The following PTPRD variants were observed in gnomAD, a reference collection of about 807,000 sequenced individuals.
PTPRD encodes protein tyrosine phosphatase receptor type D.
A neutral mutation model predicts 214.5 loss-of-function variants in PTPRD; 34 were observed. The ratio of observed to expected loss-of-function variants is 0.16; its 90% CI spans 0.12 to 0.21. PTPRD has a LOEUF of 0.21. PTPRD is among the 10% of genes least tolerant of loss of function. The pLI, the probability that PTPRD is intolerant of heterozygous loss-of-function variation, is 1.00. For missense variants in PTPRD, 2,545 were observed against 2,398.7 expected, an observed-to-expected ratio of 1.06 and a Z score of -1.27; for synonymous variants, 1,128 against 845.7, an observed-to-expected ratio of 1.33 and a Z score of -5.79.
At chr9:9,919,280 A>ATC (rs369523489) in intron 5 of PTPRD, among the ~76,000 whole-genome samples, 17 of 152,214 alleles carry the variant, frequency 1.1e-4, no homozygotes, top group Admixed American at 2.0e-4. Context: ...ACCTCCAGTC[A>ATC]TCTCTCTGAG....
At chr9:10,096,406 T>C (rs2154207997) in intron 3 of PTPRD, among the ~76,000 whole-genome samples, 1 of 152,020 alleles carries the variant, frequency 6.6e-6, no homozygotes, top group Non-Finnish European at 1.5e-5. Context: ...ACCTGTTGTT[T>C]CCTGACTTTT....
At position 8,316,243 on chromosome 9, in the gene PTPRD, C is replaced by T. The variant is rs879786156; in HGVS notation, c.*1631G>A. 3 of 229,670 alleles carry T rather than the reference C, an allele frequency of 1.3e-5. No homozygotes were observed. Among genetic ancestry groups the T allele is most frequent in the Non-Finnish European group, 2.6e-5 (3 of 115,732 alleles). The allele number at this position is 229,670 out of a possible 1,614,324, so 14.2% of individuals were successfully genotyped here. On this transcript the variant is annotated 3_prime_UTR_variant, in exon 46 of 46. Coordinates refer to ENST00000381196, the MANE Select transcript of PTPRD (RefSeq NM_002839.4). ...AAAGAGTTTTTGTACATGTGGTAAA[C>T]AGATAATGCTTTAATAGAAAGTAAC...
chr9:10,067,108 G>T (rs2097901269), intron 3 of PTPRD, among the ~76,000 whole-genome samples: 1 of 151,858 alleles, frequency 6.6e-6, no homozygotes, highest in Non-Finnish European at 1.5e-5. Flanking sequence ...ACTAATGGAT[G>T]GTCCAGGATA....
chr9:9,527,492 T>A (rs903381322), intron 8 of PTPRD, among the ~76,000 whole-genome samples: 4 of 152,188 alleles, frequency 2.6e-5, no homozygotes, highest in African/African-American at 9.7e-5. Flanking sequence ...AAAATTGTAA[T>A]CAAAAATTTG....
intron 2 of PTPRD, among the ~76,000 whole-genome samples, chr9:10,606,803 C>A (rs957107943): frequency 6.6e-6 from 1 of 151,798 alleles, no homozygotes; most frequent in Non-Finnish European, 1.5e-5. Flanking sequence ...AAGGAGTCCC[C>A]TTTTTAACAC....
chr9:10,112,115 C>A (rs1403245052), intron 3 of PTPRD, among the ~76,000 whole-genome samples: 4 of 152,174 alleles, frequency 2.6e-5, no homozygotes, highest in African/African-American at 7.2e-5. Flanking sequence ...CAGATTTCCC[C>A]TTTTGCCCTA....
chr9:9,449,692 T>C (rs567387076), intron 8 of PTPRD, among the ~76,000 whole-genome samples: 1 of 152,168 alleles, frequency 6.6e-6, no homozygotes, highest in South Asian at 2.1e-4. Flanking sequence ...TTTTTGGATG[T>C]GTATTCAGAC....
At chr9:9,515,156 C>T (rs74609043) in intron 8 of PTPRD, among the ~76,000 whole-genome samples, 2 of 152,006 alleles carry the variant, frequency 1.3e-5, no homozygotes, top group East Asian at 1.9e-4. Context: ...TGTTATTGAC[C>T]GTGGTGGAGG....
At chr9:9,920,674 C>T (rs1006165149) in intron 5 of PTPRD, among the ~76,000 whole-genome samples, 3 of 152,086 alleles carry the variant, frequency 2.0e-5, no homozygotes, top group African/African-American at 7.2e-5. Context: ...GGGATTTCTT[C>T]CTCAGTTGAA....
intron 5 of PTPRD, among the ~76,000 whole-genome samples, chr9:9,839,958 A>T (rs1219529013): frequency 6.6e-6 from 1 of 152,180 alleles, no homozygotes; most frequent in Non-Finnish European, 1.5e-5. Context: ...TATAAATAGT[A>T]CTAAAAATAA....
rs2139476270 is a variant in PTPRD at position 8,528,718 on chromosome 9, C to T, written c.414G>A (p.Glu138=). ...AAAGCATGGTGGCCGTGCGAGTACG[C>T]TCAACCACCTTCAACTGTGGGCCCA... ...IDMGPQLKVV[E]RTRTATMLCA... Residue 138 remains glutamate, a synonymous_variant, in exon 15 of 46, where the codon GAG becomes GAA. Coordinates refer to ENST00000381196, the MANE Select transcript of PTPRD (RefSeq NM_002839.4). The T allele has an allele frequency of 4.3e-6, 7 of 1,613,624 alleles. No homozygotes were observed. The highest frequency in any genetic ancestry group is 5.1e-6 in the Non-Finnish European group (6 of 1,179,720).
At chr9:9,542,211 G>A (rs2077749500) in intron 8 of PTPRD, among the ~76,000 whole-genome samples, 1 of 151,676 alleles carries the variant, frequency 6.6e-6, no homozygotes, top group African/African-American at 2.4e-5. Flanking sequence ...GACAGTATAA[G>A]AACAATTAGA....
intron 11 of PTPRD, among the ~76,000 whole-genome samples, chr9:9,014,676 A>G (rs941603046): frequency 6.6e-6 from 1 of 152,164 alleles, no homozygotes; most frequent in Non-Finnish European, 1.5e-5. Flanking sequence ...ATGGGAGACA[A>G]TCTGAGGAAG....
intron 5 of PTPRD, among the ~76,000 whole-genome samples, chr9:9,925,152 A>G (rs915893223): frequency 2.6e-5 from 4 of 152,096 alleles, no homozygotes; most frequent in African/African-American, 9.7e-5. Context: ...AAATTATCAC[A>G]AATCTACAAT....
At position 10,031,647 on chromosome 9, in the gene PTPRD, T is replaced by TATATATATACACAC; in HGVS notation, c.-472+2070_-472+2071insGTGTGTATATATAT. On this transcript the variant is annotated intron_variant, in intron 4 of 45. Transcript: ENST00000381196. The stretch of plus-strand genomic sequence containing the variant: ...CTCCATATATATATATATATATATA[T>TATATATATACACAC]ACACACACACACACACACATACACA... Among the ~76,000 whole-genome samples the TATATATATACACAC allele has an allele frequency of 3.8e-4, 34 of 89,628 alleles. No individual in the cohort carries two copies. The Middle Eastern group carries it at 0.013, about 35-fold the overall frequency. 58.8% of individuals were successfully genotyped at this position (89,628 alleles called of 152,430 possible).
At chr9:10,261,679 C>A (rs1429484352) in intron 3 of PTPRD, among the ~76,000 whole-genome samples, 1 of 152,038 alleles carries the variant, frequency 6.6e-6, no homozygotes, top group Non-Finnish European at 1.5e-5. Context: ...AAATCCAAAT[C>A]AGTTAATCTA....
intron 11 of PTPRD, among the ~76,000 whole-genome samples, chr9:8,967,099 ATCTCACACTAG>A (rs1210068272): frequency 6.6e-6 from 1 of 151,984 alleles, no homozygotes; most frequent in African/African-American, 2.4e-5. Context: ...GTGAGATACT[ATCTCACACTAG>A]TCAGAATGAC....
intron 12 of PTPRD, among the ~76,000 whole-genome samples, chr9:8,697,347 C>T (rs2097938139): frequency 1.3e-5 from 2 of 149,856 alleles, no homozygotes; most frequent in African/African-American, 4.9e-5. Context: ...CATTCTTTTC[C>T]TGGTGGAATT....
intron 39 of PTPRD, among the ~76,000 whole-genome samples, chr9:8,369,229 C>T (rs1370951944): frequency 6.6e-6 from 1 of 152,082 alleles, no homozygotes; most frequent in African/African-American, 2.4e-5. Flanking sequence ...GCACTCTTAG[C>T]TTCTTTGGAT....
Sources: allele counts gnomAD v4.1 joint callset (sites outside exome capture counted in the v4.1 genomes callset), GRCh38; gene constraint gnomAD v4.1.1; transcripts MANE v1.5; gene names NCBI Gene and HGNC (gene_info 2026-07-23, HGNC 2026-07-21).